OTUD7A: variants seen among roughly 807,000 people sequenced by gnomAD.
OTUD7A encodes the protein OTU domain-containing protein 7A.
Under a neutral mutation model 65.7 loss-of-function variants are expected in OTUD7A, and 12 were observed. The ratio of observed to expected loss-of-function variants is 0.18; its 90% CI spans 0.12 to 0.30. The LOEUF (loss-of-function observed/expected upper bound fraction) is 0.30. OTUD7A is among the 10% of genes least tolerant of loss of function. OTUD7A has a pLI of 1.00. For synonymous variants in OTUD7A, 641 were observed against 586.3 expected (o/e 1.09, Z -1.35); for missense variants, 1,148 against 1,304.8 (o/e 0.88, Z 1.85).
intron 1 of OTUD7A, among the ~76,000 whole-genome samples, chr15:31,790,263 T>G (rs1051433043): frequency 6.8e-6 from 1 of 146,816 alleles, no homozygotes; most frequent in African/African-American, 2.5e-5. Flanking sequence ...AGACTCTGAT[T>G]CAGTGGGGCT....
chr15:31,814,915 C>A (rs1896509375), intron 1 of OTUD7A, among the ~76,000 whole-genome samples: 1 of 152,134 alleles, frequency 6.6e-6, no homozygotes, highest in Non-Finnish European at 1.5e-5. Context: ...AGTATCTATT[C>A]ATTATACCAC....
chr15:31,586,616 G>A (rs1204693219), intron 3 of OTUD7A, among the ~76,000 whole-genome samples: 1 of 152,260 alleles, frequency 6.6e-6, no homozygotes, highest in Non-Finnish European at 1.5e-5. Flanking sequence ...CTAAGGGGCA[G>A]TGTAAGTCTG....
intron 1 of OTUD7A, among the ~76,000 whole-genome samples, chr15:31,808,136 C>CACACACACAAAAAAAAAA (rs772574742): frequency 3.9e-4 from 47 of 119,390 alleles, no homozygotes; most frequent in Non-Finnish European, 7.3e-4. Context: ...CACACACACA[C>CACACACACAAAAAAAAAA]AAACAAATCC....
At chr15:31,680,799 T>A (rs953675296) in intron 1 of OTUD7A, among the ~76,000 whole-genome samples, 1 of 152,126 alleles carries the variant, frequency 6.6e-6, no homozygotes, top group African/African-American at 2.4e-5. Context: ...GCTGAAGTGA[T>A]GTGGGCTGGA....
At chr15:31,504,941 A>G (rs1197094254) in intron 8 of OTUD7A, among the ~76,000 whole-genome samples, 1 of 150,854 alleles carries the variant, frequency 6.6e-6, no homozygotes, top group Non-Finnish European at 1.5e-5. Flanking sequence ...CCCAGCCTGG[A>G]GTGCAGTGGC....
chr15:31,625,633 G>T (rs1484559441), intron 3 of OTUD7A, among the ~76,000 whole-genome samples: 1 of 152,062 alleles, frequency 6.6e-6, no homozygotes, highest in Non-Finnish European at 1.5e-5. Flanking sequence ...ACATCTACCT[G>T]GGATCCAGAG....
Position 31,711,185 on chromosome 15 carries a change from T to C in OTUD7A, c.-99-54108A>G, listed in dbSNP as rs201175815. Among the ~76,000 whole-genome samples, 1,216 of 151,894 alleles carry C rather than the reference T, an allele frequency of 8.0e-3. 39 individuals are homozygous for C. The highest frequency in any genetic ancestry group is 0.055 in the Admixed American group (846 of 15,272). ...TGGTTACAAAACTGACAGATGTCTA[T>C]TAGGGAAAGTTCAGAAAACACATAA... On this transcript the variant is annotated intron_variant, in intron 1 of 12. Coordinates refer to ENST00000307050, the MANE Select transcript of OTUD7A (RefSeq NM_001382637.1).
At chr15:31,868,622 C>G (rs1897941888) in intron 1 of OTUD7A, among the ~76,000 whole-genome samples, 1 of 152,104 alleles carries the variant, frequency 6.6e-6, no homozygotes, top group African/African-American at 2.4e-5. Flanking sequence ...GGAATAAATG[C>G]GGCACCATCA....
At chr15:31,846,017 G>T (rs1049614430) in intron 1 of OTUD7A, among the ~76,000 whole-genome samples, 6 of 152,206 alleles carry the variant, frequency 3.9e-5, no homozygotes, top group Non-Finnish European at 5.9e-5. Context: ...GCCTCCACCT[G>T]CTCCTCCCCT....
intron 3 of OTUD7A, among the ~76,000 whole-genome samples, chr15:31,579,662 C>T (rs1455227454): frequency 6.6e-6 from 1 of 152,124 alleles, no homozygotes; most frequent in Non-Finnish European, 1.5e-5. Context: ...AAAGTGAAAC[C>T]GTGGATAAGG....
intron 1 of OTUD7A, among the ~76,000 whole-genome samples, chr15:31,864,290 T>C (rs548864849): frequency 6.6e-6 from 1 of 152,318 alleles, no homozygotes; most frequent in African/African-American, 2.4e-5. Flanking sequence ...TTTTCGAGTA[T>C]CTTTTCAGCA....
At chr15:31,760,227 C>T (rs1000035468) in intron 1 of OTUD7A, among the ~76,000 whole-genome samples, 17 of 152,140 alleles carry the variant, frequency 1.1e-4, no homozygotes, top group Admixed American at 4.6e-4. Context: ...CCTTTGGATG[C>T]TACCCTCCTC....
At chr15:31,802,099 ATATATG>A (rs1339798541) in intron 1 of OTUD7A, among the ~76,000 whole-genome samples, 9 of 49,216 alleles carry the variant, frequency 1.8e-4, no homozygotes, top group Admixed American at 1.2e-3. Flanking sequence ...ATGTGTGTGT[ATATATG>A]TGTGTGTGTG....
At chr15:31,560,219 T>C (rs1888645465) in intron 4 of OTUD7A, among the ~76,000 whole-genome samples, 2 of 152,266 alleles carry the variant, frequency 1.3e-5, no homozygotes, top group Admixed American at 1.3e-4. Flanking sequence ...CAGGTTGTTT[T>C]ACTAAAGTTA....
intron 3 of OTUD7A, among the ~76,000 whole-genome samples, chr15:31,592,676 C>T (rs1316876314): frequency 1.3e-5 from 2 of 151,226 alleles, no homozygotes; most frequent in Admixed American, 1.3e-4. Context: ...GTCAGGAGAT[C>T]GAGAACATCC....
At chr15:31,816,451 G>A (rs923052393) in intron 1 of OTUD7A, among the ~76,000 whole-genome samples, 1 of 152,168 alleles carries the variant, frequency 6.6e-6, no homozygotes, top group African/African-American at 2.4e-5. Context: ...AGCACTTTGG[G>A]AGGCTGAGGC....
At chr15:31,744,102 T>C (rs148209411) in intron 1 of OTUD7A, among the ~76,000 whole-genome samples, 1 of 152,350 alleles carries the variant, frequency 6.6e-6, no homozygotes, top group African/African-American at 2.4e-5. Flanking sequence ...TCTGAATCTG[T>C]ATCTGCTAAG....
intron 3 of OTUD7A, among the ~76,000 whole-genome samples, chr15:31,610,617 A>ATATATATATATATATTT: frequency 1.6e-4 from 5 of 30,554 alleles, no homozygotes; most frequent in African/African-American, 3.4e-4. Context: ...ATATATATAT[A>ATATATATATATATATTT]TTTTTTTTTT....
intron 1 of OTUD7A, among the ~76,000 whole-genome samples, chr15:31,758,585 T>C (rs1427154291): frequency 6.6e-6 from 1 of 152,260 alleles, no homozygotes; most frequent in South Asian, 2.1e-4. Flanking sequence ...TGGTCATTTA[T>C]AAAGACTATG....
Sources: allele counts gnomAD v4.1 joint callset (sites outside exome capture counted in the v4.1 genomes callset), GRCh38; gene constraint gnomAD v4.1.1; transcripts MANE v1.5; gene names NCBI Gene and HGNC (gene_info 2026-07-23, HGNC 2026-07-21).